RIT1: variants seen among roughly 807,000 people sequenced by gnomAD.
The protein encoded by RIT1 is Ras like without CAAX 1.
In RIT1, 6 loss-of-function variants were observed where a neutral mutation model predicts 25.6. The observed-to-expected ratio is 0.23, with a 90% CI of 0.13 to 0.46. The LOEUF (loss-of-function observed/expected upper bound fraction) is 0.46. RIT1 is among the 20% of genes least tolerant of loss of function. RIT1 has a pLI of 0.99. For synonymous variants in RIT1, 81 were observed against 94.1 expected (o/e 0.86, Z 0.80); for missense variants, 219 against 284.4 (o/e 0.77, Z 1.65).
rs1164331729 is a variant in RIT1, at chr1:155,908,707, C to T, written c.163+1743G>A. On this transcript the variant is annotated intron_variant, in intron 3 of 5. Transcript: ENST00000368323. ...CCCCCGCAGTAGCTGGGATTACAGG[C>T]ACCCAGCACCACGCCCGGCTAGTTT... 2.0e-5 allele frequency among the ~76,000 whole-genome samples: 3 copies of T among 151,514 alleles called. No individual in the cohort carries two copies. The East Asian group carries it at 6.1e-4, about 31-fold the overall frequency.
At chr1:155,909,474 C>A (rs958791027) in intron 3 of RIT1, among the ~76,000 whole-genome samples, 4 of 152,068 alleles carry the variant, frequency 2.6e-5, no homozygotes, top group Admixed American at 6.6e-5. Context: ...AGGATATAAA[C>A]CCTTAGAATC....
chr1:155,908,818 C>T (rs933672937), intron 3 of RIT1, among the ~76,000 whole-genome samples: 1 of 151,964 alleles, frequency 6.6e-6, no homozygotes, highest in African/African-American at 2.4e-5. Flanking sequence ...CCGCCTCGAC[C>T]TCTCAAAGTG....
intron 5 of RIT1, 143 bp downstream of exon 5, chr1:155,904,168 T>C (rs1445699004): frequency 4.8e-6 from 3 of 628,404 alleles, no homozygotes; most frequent in Admixed American, 5.8e-5. Flanking sequence ...CCCCGCAAAG[T>C]ACTGGTGTGA....
At position 155,898,585 on chromosome 1, in the gene RIT1, A is replaced by C. The variant is rs1298827174; in HGVS notation, c.*1803T>G. On this transcript the variant is annotated 3_prime_UTR_variant, in exon 6 of 6. Transcript: ENST00000368323. ...ACAATTCCCTAGGTCACTAGTAATA[A>C]GAAGCTATGGGCTTTAAACTTAAAA... The C allele has an allele frequency of 6.1e-6, 1 of 162,968 alleles. No individual in the cohort carries two copies. The highest frequency in any genetic ancestry group is 2.4e-5 in the African/African-American group (1 of 40,896). The allele number at this position is 162,968 out of a possible 1,614,324, so 10.1% of individuals were successfully genotyped here.
At chr1:155,905,213 T>G (rs1365192462) in intron 3 of RIT1, among the ~76,000 whole-genome samples, 2 of 151,968 alleles carry the variant, frequency 1.3e-5, no homozygotes, top group Non-Finnish European at 2.9e-5. Flanking sequence ...TTTTTTTTTT[T>G]CTTGAGACAG....
chr1:155,901,781 G>C (rs913469520), intron 5 of RIT1, among the ~76,000 whole-genome samples: 1 of 151,840 alleles, frequency 6.6e-6, no homozygotes, highest in Non-Finnish European at 1.5e-5. Flanking sequence ...TTGCGCCACT[G>C]CACTCCAGCC....
At chr1:155,905,317 C>T (rs562081492) in intron 3 of RIT1, among the ~76,000 whole-genome samples, 2 of 152,178 alleles carry the variant, frequency 1.3e-5, no homozygotes. Flanking sequence ...CCACCTTGGC[C>T]TCCCAAGTAG....
chr1:155,909,270 C>T (rs1040155731), intron 3 of RIT1, among the ~76,000 whole-genome samples: 15 of 151,626 alleles, frequency 9.9e-5, no homozygotes, highest in Admixed American at 2.6e-4. Flanking sequence ...CCCAGATACT[C>T]GGGAGGCTGA....
Position 155,899,919 on chromosome 1 carries a change from C to T in RIT1, c.*469G>A, listed in dbSNP as rs1673277003. 1 of 221,992 alleles carries T rather than the reference C, an allele frequency of 4.5e-6. No homozygotes were observed. Among genetic ancestry groups the T allele is most frequent in the African/African-American group, 2.3e-5 (1 of 44,324 alleles). The allele number at this position is 221,992 out of a possible 1,614,324, so 13.8% of individuals were successfully genotyped here. A position where few individuals can be genotyped will look rare whatever the true frequency, so the allele number is the denominator to read the frequency against. On this transcript the variant is annotated 3_prime_UTR_variant, in exon 6 of 6. Transcript: ENST00000368323. ...GTATCTGCTGAAATTTGGCACTGATCTCATTAGCCCCAATTTCCCTACATG... is the reference window on the plus strand; with the variant it reads ...GTATCTGCTGAAATTTGGCACTGATTTCATTAGCCCCAATTTCCCTACATG...
At position 155,899,884 on chromosome 1, in the gene RIT1, A is replaced by G; in HGVS notation, c.*504T>C. The G allele has an allele frequency of 4.6e-6, 1 of 218,612 alleles. No homozygotes were observed. The highest frequency in any genetic ancestry group is 9.2e-6 in the Non-Finnish European group (1 of 108,370). 13.5% of individuals were successfully genotyped at this position (218,612 alleles called of 1,614,324 possible). A position where few individuals can be genotyped will look rare whatever the true frequency, so the allele number is the denominator to read the frequency against. On this transcript the variant is annotated 3_prime_UTR_variant, in exon 6 of 6. Coordinates refer to ENST00000368323, the MANE Select transcript of RIT1 (RefSeq NM_006912.6). ...CACTCCATAGTCTGCAACAGGTGTC[A>G]GCCTCACAGGTATCTGCTGAAATTT...
In RIT1 at chr1:155,908,598, T is replaced by C. The variant is rs546602712; in HGVS notation, c.163+1852A>G. Among the ~76,000 whole-genome samples the C allele has an allele frequency of 8.2e-4, 125 of 151,754 alleles. 1 individual carries two copies. Among genetic ancestry groups the C allele is most frequent in the African/African-American group, 2.9e-3 (122 of 41,408 alleles). On this transcript the variant is annotated intron_variant, in intron 3 of 5. Transcript: ENST00000368323. ...TTTTTTTGAGACAAAAGCTTGCTCT[T>C]ATCCCCCAGGCTGGAGTGTGATGGC...
intron 3 of RIT1, 54 bp from the exon 4 acceptor site, chr1:155,904,858 C>G: frequency 8.7e-7 from 1 of 1,147,332 alleles, no homozygotes; most frequent in Non-Finnish European, 1.3e-6. Flanking sequence ...GAAGAAATGC[C>G]TATTTAAAAC....
chr1:155,904,252 A>T, intron 5 of RIT1, 59 bp downstream of exon 5: 1 of 1,317,590 alleles, frequency 7.6e-7, no homozygotes, highest in Admixed American at 2.1e-5. Context: ...CTGTAAGCCA[A>T]GAAACAAAAA....
At position 155,900,396 on chromosome 1, in the gene RIT1, C is replaced by A; in HGVS notation, c.652G>T (p.Val218Leu). 1 of 1,612,932 alleles carries A rather than the reference C, an allele frequency of 6.2e-7. No individual in the cohort carries two copies. The change falls in exon 6 of 6, where the codon GTA becomes TTA. Residue 218 changes from valine to leucine, a missense_variant. Coordinates refer to ENST00000368323, the MANE Select transcript of RIT1 (RefSeq NM_006912.6). ...CACTTCACATCTTCTCTTCAAGTTA[C>A]TGAATCTTTCTTCTTCCGGAATGGT... ...KSPFRKKKDS[V>L]T
Position 155,910,677 on chromosome 1 carries a change from C to T in RIT1, c.85G>A (p.Ala29Thr). ...CTACCACTCTTCCCTACACCACCAG[C>T]ACCCAGCATCACTAGTTTGTACTCC... ...SREYKLVMLG[A>T]GGVGKSAMTM... Residue 29 changes from alanine (A) to threonine (T), a missense_variant, in exon 2 of 6, where the codon GCT becomes ACT. Ala to Thr is a moderately conservative substitution (Grantham distance 58). Transcript: ENST00000368323. 6.2e-7 allele frequency: 1 copy of T among 1,614,246 alleles called. No individual in the cohort carries two copies. Among genetic ancestry groups the T allele is most frequent in the Non-Finnish European group, 8.5e-7 (1 of 1,180,022 alleles).
chr1:155,910,919 G>A, intron 1 of RIT1, 115 bp from the exon 2 acceptor site: 2 of 1,553,674 alleles, frequency 1.3e-6, no homozygotes, highest in Non-Finnish European at 1.7e-6. Context: ...ACTCTGGCCT[G>A]TCCCTCTTGC....
At chr1:155,902,989 C>T (rs1373555806) in intron 5 of RIT1, among the ~76,000 whole-genome samples, 3 of 149,276 alleles carry the variant, frequency 2.0e-5, no homozygotes, top group Admixed American at 6.8e-5. Context: ...GGTGAAACCC[C>T]GTCTCTACTT....
chr1:155,903,219 C>G (rs1469441810), intron 5 of RIT1, among the ~76,000 whole-genome samples: 1 of 151,836 alleles, frequency 6.6e-6, no homozygotes, highest in Non-Finnish European at 1.5e-5. Flanking sequence ...TGGCATGAAC[C>G]TGGGAGGCAG....
intron 5 of RIT1, 115 bp downstream of exon 5, chr1:155,904,196 G>T: frequency 1.3e-6 from 1 of 797,852 alleles, no homozygotes; most frequent in Non-Finnish European, 2.0e-6. Flanking sequence ...CACCCAGCCT[G>T]ATTTTCTATT....
Sources: allele counts gnomAD v4.1 joint callset (sites outside exome capture counted in the v4.1 genomes callset), GRCh38; gene constraint gnomAD v4.1.1; transcripts MANE v1.5; gene names NCBI Gene and HGNC (gene_info 2026-07-23, HGNC 2026-07-21).